SGCZ: variants seen among roughly 807,000 people sequenced by gnomAD.
SGCZ encodes zeta-sarcoglycan.
A neutral mutation model predicts 41.3 loss-of-function variants in SGCZ; 40 were observed. The observed-to-expected ratio is 0.97, with a 90% confidence interval of 0.75 to 1.26. The LOEUF is 1.26. Among genes scored for constraint, SGCZ ranks in the 50% most tolerant of loss-of-function variants. The pLI is 0.00. For synonymous variants in SGCZ, 206 were observed against 137.5 expected (o/e 1.50, Z -3.49); for missense variants, 552 against 369.8 (o/e 1.49, Z -4.04).
chr8:14,343,404 C>CA (rs1563269160), intron 2 of SGCZ, among the ~76,000 whole-genome samples: 1 of 152,180 alleles, frequency 6.6e-6, no homozygotes, highest in Non-Finnish European at 1.5e-5. Context: ...CATTTAATTC[C>CA]AGGTCTGTCA....
intron 2 of SGCZ, among the ~76,000 whole-genome samples, chr8:14,367,117 T>A (rs1360285334): frequency 6.6e-6 from 1 of 152,094 alleles, no homozygotes; most frequent in African/African-American, 2.4e-5. Flanking sequence ...ATGCCCCAAA[T>A]CATCTTTCTC....
At chr8:14,568,210 A>C (rs548951842) in intron 1 of SGCZ, among the ~76,000 whole-genome samples, 95 of 152,200 alleles carry the variant, frequency 6.2e-4, no homozygotes, top group African/African-American at 2.1e-3. Flanking sequence ...AGGGAGGGGA[A>C]CATCACACAC....
At chr8:14,522,354 A>C (rs1446356182) in intron 2 of SGCZ, among the ~76,000 whole-genome samples, 6 of 152,036 alleles carry the variant, frequency 3.9e-5, no homozygotes, top group African/African-American at 1.2e-4. Context: ...TGAAATCTTC[A>C]GTGAAATCAC....
chr8:14,802,029 G>C (rs1801336319), intron 1 of SGCZ, among the ~76,000 whole-genome samples: 2 of 152,190 alleles, frequency 1.3e-5, no homozygotes, highest in African/African-American at 4.8e-5. Context: ...TTAGGAAAGA[G>C]AGTAATGTTG....
chr8:14,351,091 A>T (rs1803075341), intron 2 of SGCZ, among the ~76,000 whole-genome samples: 1 of 152,148 alleles, frequency 6.6e-6, no homozygotes, highest in African/African-American at 2.4e-5. Flanking sequence ...AGGTATGTAT[A>T]ACTTTCCTCT....
At chr8:14,613,027 T>G (rs1805980584) in intron 1 of SGCZ, among the ~76,000 whole-genome samples, 1 of 152,050 alleles carries the variant, frequency 6.6e-6, no homozygotes, top group Non-Finnish European at 1.5e-5. Flanking sequence ...CCTCCTGGTC[T>G]GGGGAAAGAA....
At chr8:14,393,299 A>G (rs1804848433) in intron 2 of SGCZ, among the ~76,000 whole-genome samples, 1 of 152,168 alleles carries the variant, frequency 6.6e-6, no homozygotes, top group South Asian at 2.1e-4. Flanking sequence ...TGTGAAGTCC[A>G]GCTGCAGACA....
At chr8:14,119,040 C>T (rs573769802) in intron 5 of SGCZ, among the ~76,000 whole-genome samples, 4 of 152,066 alleles carry the variant, frequency 2.6e-5, no homozygotes, top group East Asian at 3.9e-4. Flanking sequence ...GTCTTGGCTA[C>T]GTGGGCTCTT....
rs1303235183 is a variant in SGCZ at position 14,503,318 on chromosome 8, G to C, written c.234+51414C>G. Among the ~76,000 whole-genome samples, 5 of 152,234 alleles carry C rather than the reference G, an allele frequency of 3.3e-5. No individual in the cohort carries two copies. The East Asian group carries it at 9.7e-4, about 29-fold the overall frequency. On this transcript the variant is annotated intron_variant, in intron 2 of 7. Transcript: ENST00000382080. ...TCAGGGGATGGGGGGCAAGGGGAGG[G>C]ATAGCACTAGGAGGAATACCTAACG...
chr8:14,500,213 T>A (rs1802110109), intron 2 of SGCZ, among the ~76,000 whole-genome samples: 1 of 152,078 alleles, frequency 6.6e-6, no homozygotes, highest in Non-Finnish European at 1.5e-5. Context: ...ATATTTTGAC[T>A]TTTGGTGGGA....
intron 1 of SGCZ, among the ~76,000 whole-genome samples, chr8:15,197,108 G>A (rs976571030): frequency 2.0e-5 from 3 of 152,200 alleles, no homozygotes; most frequent in South Asian, 2.1e-4. Context: ...GATTCAAGGG[G>A]TAGGGAAATG....
intron 1 of SGCZ, among the ~76,000 whole-genome samples, chr8:14,906,680 G>C (rs915671165): frequency 1.3e-5 from 2 of 152,056 alleles, no homozygotes; most frequent in African/African-American, 4.8e-5. Context: ...AACTAACTAG[G>C]ATTTACAAGA....
intron 1 of SGCZ, among the ~76,000 whole-genome samples, chr8:15,201,999 A>C (rs112864512): frequency 5.8e-4 from 88 of 152,322 alleles, no homozygotes; most frequent in African/African-American, 1.9e-3. Flanking sequence ...ATTTAAAAGA[A>C]TTAGGGATGC....
rs868295977 is a variant in SGCZ at position 14,673,791 on chromosome 8, C to A, written c.40-118865G>T. Among the ~76,000 whole-genome samples, 15 of 151,934 alleles carry A rather than the reference C, an allele frequency of 9.9e-5. 1 individual carries two copies. Among genetic ancestry groups the A allele is most frequent in the African/African-American group, 3.6e-4 (15 of 41,476 alleles). ...AAGAAAACCAAGGACAATCTGATGC[C>A]CGATGTAGATGCTACTCAATTATTC... On this transcript the variant is annotated intron_variant, in intron 1 of 7. Coordinates refer to ENST00000382080, the MANE Select transcript of SGCZ (RefSeq NM_139167.4).
chr8:15,184,035 C>G (rs1440192849), intron 1 of SGCZ, among the ~76,000 whole-genome samples: 1 of 152,150 alleles, frequency 6.6e-6, no homozygotes, highest in African/African-American at 2.4e-5. Flanking sequence ...CAGTTAACTA[C>G]TTTTATAGTG....
At chr8:15,186,379 G>A (rs1181895719) in intron 1 of SGCZ, among the ~76,000 whole-genome samples, 1 of 150,732 alleles carries the variant, frequency 6.6e-6, no homozygotes, top group Non-Finnish European at 1.5e-5. Flanking sequence ...GGCTCCAGTC[G>A]GGTATTAAGT....
intron 3 of SGCZ, among the ~76,000 whole-genome samples, chr8:14,269,730 T>A (rs1319034525): frequency 6.6e-6 from 1 of 152,056 alleles, no homozygotes; most frequent in Admixed American, 6.6e-5. Context: ...CCATCCCCAG[T>A]GAGTGTACAA....
chr8:14,147,820 T>C (rs1467340174), intron 5 of SGCZ, among the ~76,000 whole-genome samples: 2 of 151,998 alleles, frequency 1.3e-5, no homozygotes, highest in African/African-American at 2.4e-5. Flanking sequence ...ACAAAACAAG[T>C]CTGAAAACAT....
chr8:14,500,338 G>A (rs1179079449), intron 2 of SGCZ, among the ~76,000 whole-genome samples: 1 of 151,988 alleles, frequency 6.6e-6, no homozygotes, highest in African/African-American at 2.4e-5. Flanking sequence ...CATTGCTTTT[G>A]AGAAAGTATC....
Sources: allele counts gnomAD v4.1 joint callset (sites outside exome capture counted in the v4.1 genomes callset), GRCh38; gene constraint gnomAD v4.1.1; transcripts MANE v1.5; gene names NCBI Gene and HGNC (gene_info 2026-07-23, HGNC 2026-07-21).